USH2A: variants seen among roughly 807,000 people sequenced by gnomAD.
USH2A encodes the protein usherin, also known as Usher syndrome 2A (autosomal recessive, mild).
In USH2A, 443 loss-of-function variants were observed where a neutral mutation model predicts 538.9. That is an observed-to-expected ratio of 0.82 (90% CI 0.76 to 0.89). The LOEUF (loss-of-function observed/expected upper bound fraction) is 0.89. Among genes scored for constraint, USH2A ranks in the 40% least tolerant of loss-of-function variants. The pLI, the probability that USH2A is intolerant of heterozygous loss-of-function variation, is 0.00. For synonymous variants in USH2A, 2,413 were observed against 2,273.5 expected (o/e 1.06, Z -1.75); for missense variants, 6,633 against 6,324.8 (o/e 1.05, Z -1.65).
chr1:216,056,612 A>G (rs1470674511), intron 30 of USH2A, among the ~76,000 whole-genome samples: 1 of 152,236 alleles, frequency 6.6e-6, no homozygotes, highest in African/African-American at 2.4e-5. Context: ...ACTATAAAAT[A>G]TCTTATTTAA....
chr1:216,037,950 G>A (rs774060726), intron 32 of USH2A, among the ~76,000 whole-genome samples: 6 of 151,866 alleles, frequency 4.0e-5, no homozygotes, highest in South Asian at 2.1e-4. Context: ...TTGGTTTTCC[G>A]TTCCTATGTT....
intron 14 of USH2A, among the ~76,000 whole-genome samples, chr1:216,227,315 T>C (rs970534761): frequency 1.4e-4 from 21 of 152,206 alleles, no homozygotes; most frequent in African/African-American, 5.1e-4. Context: ...TGATCTTTTA[T>C]TTTTTAAATC....
intron 67 of USH2A, among the ~76,000 whole-genome samples, chr1:215,642,032 T>C (rs888839797): frequency 1.3e-5 from 2 of 152,182 alleles, no homozygotes; most frequent in Admixed American, 6.5e-5. Context: ...ACTTTTTCCC[T>C]ATATCATAAC....
At chr1:216,027,649 C>A (rs186033868) in intron 32 of USH2A, among the ~76,000 whole-genome samples, 56 of 152,296 alleles carry the variant, frequency 3.7e-4, no homozygotes, top group Middle Eastern at 6.8e-3. Flanking sequence ...CTACACTCTG[C>A]AGACCTATAA....
chr1:215,885,256 A>G (rs1665020023), intron 41 of USH2A, among the ~76,000 whole-genome samples: 1 of 151,378 alleles, frequency 6.6e-6, no homozygotes, highest in South Asian at 2.1e-4. Flanking sequence ...TTTCTACTTT[A>G]ATTGGTTGAT....
At chr1:216,389,308 A>C (rs2039059431) in intron 3 of USH2A, among the ~76,000 whole-genome samples, 1 of 152,292 alleles carries the variant, frequency 6.6e-6, no homozygotes, top group South Asian at 2.1e-4. Flanking sequence ...CTTGTGTTTT[A>C]AAACTCAGCT....
At chr1:216,292,412 T>C (rs773437041) in intron 9 of USH2A, 42 bp from the exon 10 acceptor site, 3 of 1,595,050 alleles carry the variant, frequency 1.9e-6, no homozygotes, top group East Asian at 2.3e-5. Context: ...AATAAAGCTG[T>C]GATTTTCTTT....
chr1:216,416,419 A>G (rs572382564), intron 3 of USH2A, among the ~76,000 whole-genome samples: 7 of 152,288 alleles, frequency 4.6e-5, no homozygotes, highest in African/African-American at 1.7e-4. Flanking sequence ...CTGTAGTTTT[A>G]ATATAAAATG....
At chr1:215,735,920 T>A (rs2102720742) in intron 60 of USH2A, among the ~76,000 whole-genome samples, 1 of 152,272 alleles carries the variant, frequency 6.6e-6, no homozygotes, top group East Asian at 1.9e-4. Flanking sequence ...TTAACAGTAA[T>A]TCCACACATA....
intron 38 of USH2A, among the ~76,000 whole-genome samples, chr1:215,921,745 C>A (rs960418484): frequency 6.6e-6 from 1 of 151,968 alleles, no homozygotes; most frequent in African/African-American, 2.4e-5. Context: ...GTAAGATGAC[C>A]TTTACTAGTT....
chr1:216,086,970 G>A (rs1011608188), intron 23 of USH2A, 150 bp from the exon 24 acceptor site: 10 of 652,742 alleles, frequency 1.5e-5, no homozygotes, highest in African/African-American at 7.2e-5. Context: ...TTCTTCACTG[G>A]CTCTTCCTCA....
intron 64 of USH2A, among the ~76,000 whole-genome samples, chr1:215,670,162 C>T (rs953624288): frequency 1.3e-5 from 2 of 152,176 alleles, no homozygotes; most frequent in Non-Finnish European, 2.9e-5. Flanking sequence ...ATCACGACTT[C>T]TCACCTCCAC....
chr1:216,070,196 T>A lies in USH2A; in HGVS notation c.5954A>T (p.Glu1985Val). 3.1e-6 allele frequency: 5 copies of A among 1,614,010 alleles called. No individual in the cohort carries two copies. Among genetic ancestry groups the A allele is most frequent in the Non-Finnish European group, 4.2e-6 (5 of 1,179,942 alleles). Reference protein sequence around the residue: ...WDEPVVRGVIEKYILKAYSED... With the variant: ...WDEPVVRGVIVKYILKAYSED... ...ACTATAGGCTTTCAGAATGTACTTC[T>A]CAATTACACCTCTGACAACAGGTTC... Residue 1985 changes from glutamate to valine, a missense_variant, in exon 30 of 72, where the codon GAG becomes GTG. By Grantham distance (121) the Glu-to-Val change is moderately radical. Coordinates refer to ENST00000307340, the MANE Select transcript of USH2A (RefSeq NM_206933.4).
At chr1:215,658,573 AG>A (rs1657338179) in intron 64 of USH2A, among the ~76,000 whole-genome samples, 1 of 152,208 alleles carries the variant, frequency 6.6e-6, no homozygotes, top group South Asian at 2.1e-4. Flanking sequence ...GGCCATTAAA[AG>A]AAGGCCTGTA....
At chr1:215,662,854 T>G (rs1657486066) in intron 64 of USH2A, among the ~76,000 whole-genome samples, 1 of 152,174 alleles carries the variant, frequency 6.6e-6, no homozygotes, top group African/African-American at 2.4e-5. Context: ...AATACCTAAT[T>G]AAATGCAAGT....
chr1:216,382,057 C>A (rs375599068), intron 3 of USH2A, among the ~76,000 whole-genome samples: 10 of 152,180 alleles, frequency 6.6e-5, no homozygotes, highest in African/African-American at 2.4e-4. Context: ...TGTTCTAATA[C>A]TGGATGATGC....
At chr1:216,135,379 TTCGGTGG>T (rs140991157) in intron 21 of USH2A, among the ~76,000 whole-genome samples, 1 of 152,040 alleles carries the variant, frequency 6.6e-6, no homozygotes, top group African/African-American at 2.4e-5. Context: ...TTTTGCATAT[TTCGGTGG>T]TCAAGAAGTT....
intron 70 of USH2A, 38 bp from the exon 71 acceptor site, chr1:215,629,073 G>A (rs1656172716): frequency 1.3e-6 from 2 of 1,571,940 alleles, no homozygotes; most frequent in Non-Finnish European, 1.7e-6. Flanking sequence ...CACATATAAA[G>A]AATATGGGCT....
intron 21 of USH2A, among the ~76,000 whole-genome samples, chr1:216,108,399 A>T (rs1423989183): frequency 7.2e-6 from 1 of 139,706 alleles, no homozygotes. Flanking sequence ...TTTTATTTCC[A>T]TAATCTTTTT....
Sources: allele counts gnomAD v4.1 joint callset (sites outside exome capture counted in the v4.1 genomes callset), GRCh38; gene constraint gnomAD v4.1.1; transcripts MANE v1.5; gene names NCBI Gene and HGNC (gene_info 2026-07-23, HGNC 2026-07-21).